Variants in MYO1A observed in about 807,000 individuals in gnomAD.
MYO1A encodes the protein unconventional myosin-Ia.
MYO1A carries 127 observed loss-of-function variants against 138.5 expected under a neutral mutation model. The ratio of observed to expected loss-of-function variants is 0.92; its 90% CI spans 0.79 to 1.06. MYO1A has a LOEUF of 1.06. Ranked by LOEUF, MYO1A falls within the 50% of genes least tolerant of loss-of-function variation. The pLI, the probability that MYO1A is intolerant of heterozygous loss-of-function variation, is 0.00. For synonymous variants in MYO1A, 477 were observed against 497.5 expected (o/e 0.96, Z 0.55); for missense variants, 1,211 against 1,288.8 (o/e 0.94, Z 0.92).
chr12:57,047,542 G>A (rs1434537472), intron 4 of MYO1A, 85 bp downstream of exon 4: 21 of 1,519,724 alleles, frequency 1.4e-5, no homozygotes, highest in Non-Finnish European at 1.8e-5. Context: ...GTGGGGTGGA[G>A]GGTCAGGTCT....
chr12:57,028,568 G>T lies in MYO1A; in HGVS notation c.*187C>A. On this transcript the variant is annotated 3_prime_UTR_variant, in exon 28 of 28. Transcript: ENST00000300119. ...TTAGTGTGCAGAGAGGCTGCGGGTT[G>T]GAGGAAGCTACTTTTGGAGGAGAGA... is the stretch of plus-strand genomic sequence containing the variant. 1.4e-6 allele frequency: 1 copy of T among 714,318 alleles called. No homozygotes were observed. The highest frequency in any genetic ancestry group is 2.3e-6 in the Non-Finnish European group (1 of 440,536). The allele number at this position is 714,318 out of a possible 1,614,324, so 44.2% of individuals were successfully genotyped here. A position where few individuals can be genotyped will look rare whatever the true frequency, so the allele number is the denominator to read the frequency against.
chr12:57,035,834 T>G (rs2030512907), intron 22 of MYO1A, among the ~76,000 whole-genome samples: 1 of 152,202 alleles, frequency 6.6e-6, no homozygotes, highest in African/African-American at 2.4e-5. Context: ...CTTCCTGAGA[T>G]TTACTTTCTG....
At chr12:57,032,024 C>T (rs1165671965) in intron 22 of MYO1A, among the ~76,000 whole-genome samples, 1 of 152,224 alleles carries the variant, frequency 6.6e-6, no homozygotes, top group East Asian at 1.9e-4. Flanking sequence ...TCCCATGCCC[C>T]TACCCAGCCC....
In MYO1A at chr12:57,036,660, C is replaced by T. The variant is rs1278721275; in HGVS notation, c.2274+112G>A. ...CCACCCACACATGGACCGGCTGATA[C>T]ACAGAGGTGCGGCCTGGGTGCAGGC... is the stretch of plus-strand genomic sequence containing the variant. On this transcript the variant is annotated intron_variant, in intron 21 of 27. Coordinates refer to ENST00000300119, the MANE Select transcript of MYO1A (RefSeq NM_005379.4). The T allele has an allele frequency of 7.6e-6, 10 of 1,318,686 alleles. No homozygotes were observed. The East Asian group carries it at 9.2e-5, about 12-fold the overall frequency. The allele number at this position is 1,318,686 out of a possible 1,614,324, so 81.7% of individuals were successfully genotyped here. A position where few individuals can be genotyped will look rare whatever the true frequency, so the allele number is the denominator to read the frequency against.
intron 4 of MYO1A, 57 bp downstream of exon 4, chr12:57,047,569 GA>G (rs1160847379): frequency 6.3e-7 from 1 of 1,583,766 alleles, no homozygotes; most frequent in African/African-American, 1.3e-5. Flanking sequence ...GGCTTGCAAA[GA>G]GACAAGGAAG....
At chr12:57,044,301 T>C (rs1394211179) in intron 8 of MYO1A, 92 bp from the exon 9 acceptor site, 6 of 969,906 alleles carry the variant, frequency 6.2e-6, no homozygotes, top group Admixed American at 2.0e-5. Context: ...CCTAATGGAT[T>C]CATTCACTTA....
At chr12:57,046,513 T>C (rs1202112060) in intron 8 of MYO1A, 39 bp downstream of exon 8, 1 of 1,517,440 alleles carries the variant, frequency 6.6e-7, no homozygotes, top group Non-Finnish European at 9.2e-7. Flanking sequence ...CTTTGCCATG[T>C]GTCACTCATG....
At chr12:57,031,800 T>C (rs933760608) in intron 22 of MYO1A, among the ~76,000 whole-genome samples, 4 of 152,234 alleles carry the variant, frequency 2.6e-5, no homozygotes, top group African/African-American at 9.6e-5. Flanking sequence ...GTCAGGGTCC[T>C]AACCACGGTC....
chr12:57,033,200 G>A (rs756951639), intron 22 of MYO1A, among the ~76,000 whole-genome samples: 2 of 152,084 alleles, frequency 1.3e-5, no homozygotes, highest in South Asian at 4.1e-4. Context: ...ATCCAACAGC[G>A]ATCCACTCTC....
rs139040472 is a variant in MYO1A, at chr12:57,031,095, T to C, written c.2429A>G (p.Tyr810Cys). The C allele has an allele frequency of 1.3e-5, 21 of 1,614,126 alleles. 1 individual carries two copies. The highest frequency in any genetic ancestry group is 1.2e-4 in the Admixed American group (7 of 60,014). Residue 810 changes from tyrosine to cysteine, a missense_variant, in exon 23 of 28, where the codon TAC becomes TGC. Tyr to Cys is a radical substitution (Grantham distance 194, BLOSUM62 -2). Coordinates refer to ENST00000300119, the MANE Select transcript of MYO1A (RefSeq NM_005379.4). Reference sequence around the variant, plus strand: ...CTGATTTGCTGTGCTGAGGCACTTGTAGGGGGCGGCTGGCCATGTCTTGTC... The same window carrying C: ...CTGATTTGCTGTGCTGAGGCACTTGCAGGGGGCGGCTGGCCATGTCTTGTC... ...VLDKTWPAAP[Y>C]KCLSTANQEL...
intron 23 of MYO1A, among the ~76,000 whole-genome samples, chr12:57,030,545 G>T (rs1199403688): frequency 6.6e-6 from 1 of 152,132 alleles, no homozygotes; most frequent in Non-Finnish European, 1.5e-5. Flanking sequence ...AAAGCACCAG[G>T]AGGGCTCTAT....
intron 14 of MYO1A, among the ~76,000 whole-genome samples, chr12:57,039,939 A>C (rs1157041835): frequency 6.6e-6 from 1 of 152,200 alleles, no homozygotes; most frequent in Admixed American, 6.5e-5. Context: ...AGACTATATA[A>C]TGTTTTGAAA....
At chr12:57,040,373 C>A (rs185210650) in intron 14 of MYO1A, among the ~76,000 whole-genome samples, 4 of 152,016 alleles carry the variant, frequency 2.6e-5, no homozygotes, top group Non-Finnish European at 5.9e-5. Flanking sequence ...CTTGCATATG[C>A]GTAAGGACTT....
At chr12:57,043,753 T>C (rs753073861) in intron 10 of MYO1A, 103 bp downstream of exon 10, 244 of 1,487,494 alleles carry the variant, frequency 1.6e-4, no homozygotes, top group Non-Finnish European at 2.1e-4. Flanking sequence ...TGAGTGGGAC[T>C]GCATCAGGGT....
intron 21 of MYO1A, 137 bp downstream of exon 21, chr12:57,036,635 C>T: frequency 8.9e-7 from 1 of 1,124,666 alleles, no homozygotes; most frequent in Middle Eastern, 2.0e-4. Flanking sequence ...TCCCAGACAC[C>T]CACCCACACA....
At chr12:57,048,575 G>A (rs2031223374) in intron 1 of MYO1A, among the ~76,000 whole-genome samples, 2 of 152,172 alleles carry the variant, frequency 1.3e-5, no homozygotes, top group African/African-American at 2.4e-5. Context: ...AGTTGGTGGG[G>A]GTGGGGCAGG....
intron 25 of MYO1A, 43 bp downstream of exon 25, chr12:57,029,697 C>T: frequency 6.2e-7 from 1 of 1,614,152 alleles, no homozygotes; most frequent in South Asian, 1.1e-5. Flanking sequence ...CAGCCCACAG[C>T]TCTGCACTAG....
intron 9 of MYO1A, 40 bp downstream of exon 9, chr12:57,044,066 T>C (rs1488615430): frequency 6.2e-7 from 1 of 1,614,150 alleles, no homozygotes; most frequent in Non-Finnish European, 8.5e-7. Context: ...GAATAGAGGA[T>C]GACCTAAGGG....
chr12:57,042,353 C>T (rs1438136769), intron 12 of MYO1A, among the ~76,000 whole-genome samples: 7 of 152,188 alleles, frequency 4.6e-5, no homozygotes, highest in Non-Finnish European at 7.3e-5. Flanking sequence ...TTCTTTTGTA[C>T]AGATATACCA....
Sources: allele counts gnomAD v4.1 joint callset (sites outside exome capture counted in the v4.1 genomes callset), GRCh38; gene constraint gnomAD v4.1.1; transcripts MANE v1.5; gene names NCBI Gene and HGNC (gene_info 2026-07-23, HGNC 2026-07-21).